The following FMN1 variants were observed in gnomAD, a reference collection of about 807,000 sequenced individuals.
The protein encoded by FMN1 is formin-1.
A neutral mutation model predicts 132.4 loss-of-function variants in FMN1; 110 were observed. The observed-to-expected ratio is 0.83, with a 90% CI of 0.71 to 0.97. The LOEUF is 0.97. FMN1 is among the 50% of genes least tolerant of loss of function. FMN1 has a pLI of 0.00. For missense variants in FMN1, 1,792 were observed against 1,705.3 expected, an observed-to-expected ratio of 1.05 and a Z score of -0.90; for synonymous variants, 722 against 651.7, an observed-to-expected ratio of 1.11 and a Z score of -1.64.
chr15:32,968,790 G>A lies in FMN1; in HGVS notation c.2911C>T (p.Pro971Ser). ...FGLGSSSSQC[P>S]RKPAIEPSCP... ...CTGGGCTCGATGGCTGGTTTTCGAG[G>A]ACATTGACTGGAAGAAGAGCCAAGT... Residue 971 changes from proline (P) to serine (S), a missense_variant, in exon 8 of 21, where the codon CCT becomes TCT. Physicochemically the swap from Pro to Ser is moderately conservative, Grantham distance 74. This residue lies in a region of FMN1 where 1,150 missense variants were observed against 1,043.1 expected (regional missense o/e 1.10). Transcript: ENST00000616417. 2 of 1,610,392 alleles carry A rather than the reference G, an allele frequency of 1.2e-6. No individual in the cohort carries two copies. Among genetic ancestry groups the A allele is most frequent in the Non-Finnish European group, 1.7e-6 (2 of 1,178,784 alleles).
chr15:32,939,333 G>T (rs925471649), intron 9 of FMN1, among the ~76,000 whole-genome samples: 4 of 151,942 alleles, frequency 2.6e-5, no homozygotes, highest in Admixed American at 2.0e-4. Context: ...CATTACCGAA[G>T]AATTTATTGC....
intron 19 of FMN1, among the ~76,000 whole-genome samples, chr15:32,786,297 T>C (rs2056875382): frequency 6.6e-6 from 1 of 152,190 alleles, no homozygotes; most frequent in East Asian, 1.9e-4. Context: ...CTATGGTCCT[T>C]TGGAATGGTG....
intron 7 of FMN1, among the ~76,000 whole-genome samples, chr15:32,995,046 T>C (rs55985987): frequency 0.016 from 2,428 of 152,198 alleles, 79 homozygotes; most frequent in African/African-American, 0.056. Flanking sequence ...AGTGGTGAGA[T>C]TGTGGAATGA....
intron 4 of FMN1, among the ~76,000 whole-genome samples, chr15:33,113,959 T>TG (rs796998276): frequency 4.6e-5 from 7 of 152,334 alleles, no homozygotes; most frequent in African/African-American, 1.7e-4. Context: ...GCCACCTACC[T>TG]GCTCCTTAGC....
intron 19 of FMN1, among the ~76,000 whole-genome samples, chr15:32,783,829 A>G (rs977565562): frequency 7.0e-6 from 1 of 143,000 alleles, no homozygotes; most frequent in Admixed American, 7.3e-5. Flanking sequence ...TAGGCTCCCC[A>G]CTGTTATAGC....
intron 4 of FMN1, among the ~76,000 whole-genome samples, chr15:33,133,064 TA>T (rs1025536943): frequency 1.1e-4 from 17 of 152,172 alleles, no homozygotes; most frequent in African/African-American, 3.9e-4. Flanking sequence ...ATAACAGGGA[TA>T]GGGGGCCAAG....
intron 4 of FMN1, among the ~76,000 whole-genome samples, chr15:33,124,589 TCAGCATATA>T (rs1044071169): frequency 6.6e-6 from 1 of 152,196 alleles, no homozygotes; most frequent in Non-Finnish European, 1.5e-5. Context: ...GTCTTCACCA[TCAGCATATA>T]CAAATATTGC....
At chr15:32,801,141 G>C (rs773494763) in intron 18 of FMN1, among the ~76,000 whole-genome samples, 1 of 152,150 alleles carries the variant, frequency 6.6e-6, no homozygotes, top group Non-Finnish European at 1.5e-5. Flanking sequence ...CAGTTTCAGA[G>C]AATGTCAAGA....
rs905881151 is a variant in FMN1, at chr15:32,989,865, G to A, written c.2223+18149C>T. Among the ~76,000 whole-genome samples the A allele has an allele frequency of 7.9e-5, 12 of 152,116 alleles. 1 individual carries two copies. The highest frequency in any genetic ancestry group is 7.2e-4 in the Admixed American group (11 of 15,270). On this transcript the variant is annotated intron_variant, in intron 7 of 20. Coordinates refer to ENST00000616417, the MANE Select transcript of FMN1 (RefSeq NM_001277313.2). ...AGGAGTTGTCAAGGATGCATCTGAG[G>A]TTTTTGGCCTAGACTTTTAGTTTTA...
At chr15:32,837,180 T>A in intron 17 of FMN1, 1 of 230,572 alleles carries the variant, frequency 4.3e-6, no homozygotes, top group Middle Eastern at 6.9e-4. Flanking sequence ...CAAGGAACAT[T>A]GCTTTATCCA....
intron 15 of FMN1, among the ~76,000 whole-genome samples, chr15:32,894,968 T>C (rs977842794): frequency 2.6e-5 from 4 of 152,332 alleles, no homozygotes; most frequent in South Asian, 2.1e-4. Context: ...TTCTCTCCTA[T>C]ACACTCTCCA....
At chr15:32,890,552 C>T (rs2060002585) in intron 15 of FMN1, among the ~76,000 whole-genome samples, 1 of 152,154 alleles carries the variant, frequency 6.6e-6, no homozygotes, top group Non-Finnish European at 1.5e-5. Flanking sequence ...GTTTGTTGGC[C>T]ATTTGTATAT....
chr15:33,082,895 A>C (rs919228813), intron 5 of FMN1, among the ~76,000 whole-genome samples: 3 of 152,096 alleles, frequency 2.0e-5, no homozygotes, highest in Non-Finnish European at 4.4e-5. Context: ...AAAACCAAAA[A>C]ATTTTGTAAT....
chr15:33,064,967 G>A lies in FMN1; in HGVS notation c.2151C>T (p.Tyr717=), dbSNP rs1441164670. 2.5e-6 allele frequency: 4 copies of A among 1,609,688 alleles called. No individual in the cohort carries two copies. The South Asian group carries it at 3.3e-5, about 13-fold the overall frequency. Residue 717 remains tyrosine, a synonymous_variant, in exon 6 of 21, where the codon TAC becomes TAT. Coordinates refer to ENST00000616417, the MANE Select transcript of FMN1 (RefSeq NM_001277313.2). ...TTCCTTTCACATTACCTGCTTCAGTGTACTTCAGTCCCACTTTTTCTTCTG... is the reference window on the plus strand; with the variant it reads ...TTCCTTTCACATTACCTGCTTCAGTATACTTCAGTCCCACTTTTTCTTCTG... The part of the protein sequence containing the change: ...KDTEEKVGLK[Y]TEAEYQAAIL...
At chr15:32,990,312 G>A (rs960282944) in intron 7 of FMN1, among the ~76,000 whole-genome samples, 1 of 152,120 alleles carries the variant, frequency 6.6e-6, no homozygotes, top group Non-Finnish European at 1.5e-5. Context: ...AGCACACCGT[G>A]AGGAAGAAGA....
chr15:32,960,170 G>C (rs2140562526), intron 9 of FMN1, among the ~76,000 whole-genome samples: 1 of 152,262 alleles, frequency 6.6e-6, no homozygotes, highest in South Asian at 2.1e-4. Context: ...GATTTGTCTG[G>C]AACTTACTAT....
At chr15:33,180,744 C>CTTTTTT (rs35033683) in intron 2 of FMN1, among the ~76,000 whole-genome samples, 5 of 108,240 alleles carry the variant, frequency 4.6e-5, no homozygotes, top group African/African-American at 3.6e-5. Flanking sequence ...CTCCTGCTGC[C>CTTTTTT]TTTTTTTTTT....
intron 5 of FMN1, chr15:33,067,851 C>G (rs1293435234): frequency 6.2e-7 from 1 of 1,612,680 alleles, no homozygotes; most frequent in Non-Finnish European, 8.5e-7. Context: ...TCTGACACAT[C>G]ACTGCCATCC....
chr15:33,154,432 C>A lies in FMN1; in HGVS notation c.483G>T (p.Arg161Ser). The stretch of plus-strand genomic sequence containing the variant: ...CAAAGCTCTCTCTCCTTCCACTAGA[C>A]CTCCGAGGCTTTTTGTTCCCGTGGG... ...RSTHGNKKPR[R>S]SSGRRESFGA... Residue 161 changes from arginine (R) to serine (S), a missense_variant, in exon 4 of 21, where the codon AGG becomes AGT. Coordinates refer to ENST00000616417, the MANE Select transcript of FMN1 (RefSeq NM_001277313.2). 1.3e-6 allele frequency: 2 copies of A among 1,536,154 alleles called. No homozygotes were observed. Among genetic ancestry groups the A allele is most frequent in the Non-Finnish European group, 1.7e-6 (2 of 1,146,926 alleles).
Sources: gnomAD v4.1 joint callset for allele counts (sites outside exome capture counted in the v4.1 genomes callset) on GRCh38, gnomAD v4.1.1 for gene constraint, gnomAD v4.1.1 regional missense constraint, MANE v1.5 for transcripts, NCBI Gene and HGNC (gene_info 2026-07-23, HGNC 2026-07-21) for gene names.